The following SLC25A22 variants were observed in gnomAD, a reference collection of about 807,000 sequenced individuals.
SLC25A22 encodes solute carrier family 25 member 22.
A neutral mutation model predicts 33.7 loss-of-function variants in SLC25A22; 23 were observed. The ratio of observed to expected loss-of-function variants is 0.68; its 90% CI spans 0.49 to 0.97. SLC25A22 has a LOEUF of 0.97. SLC25A22 is among the 50% of genes least tolerant of loss of function. The pLI, the probability that SLC25A22 is intolerant of heterozygous loss-of-function variation, is 0.00. For missense variants in SLC25A22, 390 were observed against 451.1 expected (o/e 0.86, Z 1.23); for synonymous variants, 245 against 203.8 (o/e 1.20, Z -1.72).
At chr11:795,619 G>A (rs1483649281) in intron 1 of SLC25A22, 5 of 211,344 alleles carry the variant, frequency 2.4e-5, no homozygotes, top group South Asian at 7.4e-5. Flanking sequence ...CTGGGGTCCC[G>A]GGCGCCCTAA....
chr11:795,906 C>T (rs1005968005), intron 1 of SLC25A22: 1 of 152,972 alleles, frequency 6.5e-6, no homozygotes, highest in African/African-American at 2.4e-5. Context: ...AGAGGACAGG[C>T]CTCTCCCACT....
At chr11:793,041 C>A in intron 5 of SLC25A22, 53 bp from the exon 6 acceptor site, 1 of 1,554,268 alleles carries the variant, frequency 6.4e-7, no homozygotes, top group Non-Finnish European at 8.8e-7. Context: ...CTACCTGCCA[C>A]CCTCGGGGCT....
In SLC25A22 at chr11:795,372, C is replaced by G. The variant is rs1036346702; in HGVS notation, c.-163-203G>C. 77 of 259,772 alleles carry G rather than the reference C, an allele frequency of 3.0e-4. 8 individuals are homozygous for G. The highest frequency in any genetic ancestry group is 4.5e-4 in the African/African-American group (12 of 26,636). 16.1% of individuals were successfully genotyped at this position (259,772 alleles called of 1,614,324 possible). A position where few individuals can be genotyped will look rare whatever the true frequency, so the allele number is the denominator to read the frequency against. ...ACCACCTGGCTTCCTTTCAGTCCCC[C>G]CCTCCCCACCGCCAGCGTCTTCCCA... On this transcript the variant is annotated intron_variant, in intron 1 of 9. Transcript: ENST00000628067.
At position 793,594 on chromosome 11, in the gene SLC25A22, G is replaced by T; in HGVS notation, c.228C>A (p.Val76=). The stretch of plus-strand genomic sequence containing the variant: ...CCAGCTTGATGGCCTTCTCGGGGGT[G>T]ACGAGGGTCAAGTTCACAGCAGCTC... ...YRGAAVNLTL[V]TPEKAIKLAA... is the part of the protein sequence containing the mutation. The change falls in exon 5 of 10, where the codon GTC becomes GTA. Residue 76 remains valine (V), a synonymous_variant. Coordinates refer to ENST00000628067, the MANE Select transcript of SLC25A22 (RefSeq NM_001191061.2). The T allele has an allele frequency of 6.2e-7, 1 of 1,610,968 alleles. No homozygotes were observed.
intron 3 of SLC25A22, 69 bp downstream of exon 3, chr11:794,707 G>A (rs1864703369): frequency 5.1e-6 from 8 of 1,557,288 alleles, no homozygotes; most frequent in Non-Finnish European, 6.1e-6. Flanking sequence ...GGGGGCACAG[G>A]AGCAGAGCCC....
chr11:794,847 G>T lies in SLC25A22; in HGVS notation c.75C>A (p.Cys25Ter). ...GGIAGLIGVT[C>*]VFPIDLAKTR... ...TCTTGGCCAGGTCGATGGGAAACAC[G>T]CAGGTGACACCGATCAGCCCGGCGA... The change falls in exon 3 of 10, where the codon TGC becomes TGA. Residue 25 changes from cysteine to a stop codon, truncating the protein, a stop_gained. Transcript: ENST00000628067. LOFTEE classifies it high-confidence loss of function. 6.3e-7 allele frequency: 1 copy of T among 1,582,826 alleles called. No individual in the cohort carries two copies. Among genetic ancestry groups the T allele is most frequent in the Non-Finnish European group, 8.6e-7 (1 of 1,165,158 alleles).
At chr11:793,973 G>T in intron 4 of SLC25A22, 1 of 473,540 alleles carries the variant, frequency 2.1e-6, no homozygotes, top group Non-Finnish European at 3.9e-6. Flanking sequence ...GGGGGCTGGG[G>T]CCAGAGGTCA....
At position 798,226 on chromosome 11, in the gene SLC25A22, C is replaced by CT; in HGVS notation, c.-174_-173insA. 2.5e-6 allele frequency: 1 copy of CT among 394,920 alleles called. No homozygotes were observed. The highest frequency in any genetic ancestry group is 4.5e-6 in the Non-Finnish European group (1 of 223,898). The allele number at this position is 394,920 out of a possible 1,614,324, so 24.5% of individuals were successfully genotyped here. On this transcript the variant is annotated 5_prime_UTR_variant, in exon 1 of 10. Transcript: ENST00000628067. The stretch of plus-strand genomic sequence containing the variant: ...CCGGGCAGACACTCACCACGCTCGC[C>CT]GCCGCCGCCGCGCTCGCCTGCCCGC...
At chr11:795,346 G>C in intron 1 of SLC25A22, 177 bp from the exon 2 acceptor site, 1 of 479,664 alleles carries the variant, frequency 2.1e-6, no homozygotes, top group Non-Finnish European at 3.8e-6. Flanking sequence ...TCACCCCTGG[G>C]ACCACCTGGC....
chr11:794,661 C>T (rs903396824), intron 3 of SLC25A22, 115 bp downstream of exon 3: 56 of 1,529,776 alleles, frequency 3.7e-5, no homozygotes, highest in Middle Eastern at 2.3e-4. Flanking sequence ...CCCCTAGGCC[C>T]GCCTGCCTCC....
At position 795,062 on chromosome 11, in the gene SLC25A22, G is replaced by C; in HGVS notation, c.-56C>G. The C allele has an allele frequency of 6.5e-7, 1 of 1,545,316 alleles. No homozygotes were observed. The highest frequency in any genetic ancestry group is 8.7e-7 in the Non-Finnish European group (1 of 1,144,404). On this transcript the variant is annotated 5_prime_UTR_variant, in exon 2 of 10. Coordinates refer to ENST00000628067, the MANE Select transcript of SLC25A22 (RefSeq NM_001191061.2). ...AGAGGTGGACGCCAGGCCAGGCGGG[G>C]TGGAGGTGGAGGTGGAGGAGGCCTT...
intron 5 of SLC25A22, 64 bp from the exon 6 acceptor site, chr11:793,052 G>T: frequency 6.7e-7 from 1 of 1,484,318 alleles, no homozygotes. Context: ...CCTCGGGGCT[G>T]CCCACCATGC....
intron 7 of SLC25A22, 31 bp downstream of exon 7, chr11:792,522 T>C (rs111446703): frequency 6.2e-7 from 1 of 1,611,912 alleles, no homozygotes; most frequent in Non-Finnish European, 8.5e-7. Flanking sequence ...GCCTCCCCCT[T>C]CCCTCCCCCC....
At chr11:797,354 C>T (rs773061932) in intron 1 of SLC25A22, among the ~76,000 whole-genome samples, 19 of 152,206 alleles carry the variant, frequency 1.2e-4, no homozygotes, top group Non-Finnish European at 2.5e-4. Context: ...CCTCACTCGG[C>T]AGTTCCCACC....
chr11:793,133 C>T, intron 5 of SLC25A22, 145 bp from the exon 6 acceptor site: 1 of 785,644 alleles, frequency 1.3e-6, no homozygotes, highest in Non-Finnish European at 2.1e-6. Context: ...CCAGCCTCCG[C>T]CACTGCAGCA....
intron 3 of SLC25A22, 25 bp downstream of exon 3, chr11:794,750 TC>T: frequency 1.3e-6 from 2 of 1,591,332 alleles, no homozygotes; most frequent in Non-Finnish European, 8.5e-7. Flanking sequence ...CTGGGCCCAC[TC>T]CCCGCGACCG....
intron 5 of SLC25A22, 191 bp downstream of exon 5, chr11:793,338 C>T (rs1864635917): frequency 1.5e-6 from 1 of 646,604 alleles, no homozygotes; most frequent in Non-Finnish European, 2.8e-6. Flanking sequence ...AGCCAGAGCC[C>T]CACTGATTTG....
In SLC25A22 at chr11:793,587, CG is replaced by C; in HGVS notation, c.234del (p.Glu79ArgfsTer23). On this transcript the variant is annotated frameshift_variant, in exon 5 of 10. Coordinates refer to ENST00000628067, the MANE Select transcript of SLC25A22 (RefSeq NM_001191061.2). LOFTEE classifies it high-confidence loss of function. ...TTGGCTGCCAGCTTGATGGCCTTCT[CG>C]GGGGTGACGAGGGTCAAGTTCACAG... ...GAAVNLTLVT[P>X]EKAIKLAAND... The C allele has an allele frequency of 6.2e-7, 1 of 1,611,616 alleles. No homozygotes were observed.
chr11:794,691 A>G (rs1027714304), intron 3 of SLC25A22, 85 bp downstream of exon 3: 18 of 1,547,252 alleles, frequency 1.2e-5, no homozygotes, highest in Non-Finnish European at 1.4e-5. Context: ...TCTGTCAAAC[A>G]GGGTGGGGGG....
Sources: gnomAD v4.1 joint callset for allele counts (sites outside exome capture counted in the v4.1 genomes callset) on GRCh38, gnomAD v4.1.1 for gene constraint, MANE v1.5 for transcripts, NCBI Gene and HGNC (gene_info 2026-07-23, HGNC 2026-07-21) for gene names.